Variants in MAGI1 observed in about 807,000 individuals in gnomAD.
The protein encoded by MAGI1 is membrane-associated guanylate kinase, WW and PDZ domain-containing protein 1.
MAGI1 carries 58 observed loss-of-function variants against 139.9 expected under a neutral mutation model. The observed-to-expected ratio is 0.41, with a 90% CI of 0.34 to 0.52. MAGI1 has a LOEUF of 0.52. MAGI1 is among the 20% of genes least tolerant of loss of function. The probability of loss-of-function intolerance (pLI) is 0.12; values close to 1 mark genes in which losing one functional copy is unlikely to be tolerated. For missense variants in MAGI1, 1,874 were observed against 1,901.6 expected, an observed-to-expected ratio of 0.99 and a Z score of 0.27; for synonymous variants, 812 against 737.9, an observed-to-expected ratio of 1.10 and a Z score of -1.63.
intron 6 of MAGI1, among the ~76,000 whole-genome samples, chr3:65,449,200 C>T (rs1948865054): frequency 6.6e-6 from 1 of 151,912 alleles, no homozygotes; most frequent in African/African-American, 2.4e-5. Flanking sequence ...ATGCAGCACA[C>T]CAACATGGCA....
intron 1 of MAGI1, among the ~76,000 whole-genome samples, chr3:65,902,149 A>C (rs1227163161): frequency 3.9e-5 from 6 of 152,234 alleles, no homozygotes; most frequent in Non-Finnish European, 5.9e-5. Flanking sequence ...CTAAACAATA[A>C]TCTTACAGGT....
At chr3:65,991,288 T>A (rs2066156496) in intron 1 of MAGI1, among the ~76,000 whole-genome samples, 1 of 85,984 alleles carries the variant, frequency 1.2e-5, no homozygotes. Flanking sequence ...AGACTCTGTC[T>A]AAAAAAAAAA....
intron 1 of MAGI1, among the ~76,000 whole-genome samples, chr3:65,849,468 C>CATATAT (rs10529813): frequency 0.2 from 28,346 of 144,426 alleles, 2,754 homozygotes; most frequent in African/African-American, 0.23. Context: ...AGTAAACTTT[C>CATATAT]ATATATATAT....
intron 1 of MAGI1, among the ~76,000 whole-genome samples, chr3:65,741,375 C>T (rs1301625933): frequency 2.0e-5 from 3 of 152,038 alleles, no homozygotes; most frequent in South Asian, 2.1e-4. Flanking sequence ...AGGGTTTCAC[C>T]GTGTTAGCCA....
chr3:65,516,716 C>CCCTT (rs2077900095), intron 2 of MAGI1, among the ~76,000 whole-genome samples: 1 of 92,218 alleles, frequency 1.1e-5, no homozygotes, highest in Non-Finnish European at 2.3e-5. Flanking sequence ...TACATCCCAC[C>CCCTT]TCTTTTTTTT....
chr3:65,887,260 A>G (rs1468000981), intron 1 of MAGI1, among the ~76,000 whole-genome samples: 3 of 152,052 alleles, frequency 2.0e-5, no homozygotes, highest in African/African-American at 7.2e-5. Context: ...AACAGGAAAA[A>G]TTTAGTTTTC....
At chr3:65,882,677 A>C (rs2060378214) in intron 1 of MAGI1, among the ~76,000 whole-genome samples, 1 of 152,198 alleles carries the variant, frequency 6.6e-6, no homozygotes, top group Non-Finnish European at 1.5e-5. Context: ...TCACATCTGT[A>C]ATCCCTGCAC....
At chr3:65,399,373 C>G (rs1312168275) in intron 13 of MAGI1, among the ~76,000 whole-genome samples, 2 of 152,168 alleles carry the variant, frequency 1.3e-5, no homozygotes, top group Non-Finnish European at 2.9e-5. Flanking sequence ...ACTTTCAAGC[C>G]ACCTGTACAG....
At chr3:65,904,616 T>C (rs894085466) in intron 1 of MAGI1, among the ~76,000 whole-genome samples, 9 of 152,220 alleles carry the variant, frequency 5.9e-5, no homozygotes, top group Non-Finnish European at 5.9e-5. Flanking sequence ...CAGAATGCCC[T>C]TTCTCCATCA....
At chr3:65,475,061 G>C (rs541133071) in intron 4 of MAGI1, among the ~76,000 whole-genome samples, 17 of 151,864 alleles carry the variant, frequency 1.1e-4, no homozygotes, top group African/African-American at 4.1e-4. Flanking sequence ...CAACAAAAAA[G>C]AAGTGTCAGC....
At chr3:65,462,009 T>G (rs1949829262) in intron 5 of MAGI1, among the ~76,000 whole-genome samples, 1 of 152,218 alleles carries the variant, frequency 6.6e-6, no homozygotes, top group South Asian at 2.1e-4. Context: ...TCCTTGTAGA[T>G]GCTGGATGTT....
chr3:65,708,520 A>C (rs1283751830), intron 1 of MAGI1, among the ~76,000 whole-genome samples: 2 of 152,062 alleles, frequency 1.3e-5, no homozygotes, highest in Non-Finnish European at 2.9e-5. Context: ...TTGAAACTTG[A>C]ATTTGGGGAG....
At chr3:65,492,041 A>G (rs1952073792) in intron 3 of MAGI1, among the ~76,000 whole-genome samples, 1 of 152,218 alleles carries the variant, frequency 6.6e-6, no homozygotes, top group South Asian at 2.1e-4. Flanking sequence ...ATCACATTAA[A>G]GCTATAATGT....
chr3:65,378,933 C>A (rs568402520), intron 17 of MAGI1, among the ~76,000 whole-genome samples: 8 of 152,148 alleles, frequency 5.3e-5, no homozygotes, highest in Non-Finnish European at 7.3e-5. Context: ...TCACCCTCCT[C>A]GGCCTCCCAA....
intron 1 of MAGI1, among the ~76,000 whole-genome samples, chr3:65,722,001 C>T (rs189480768): frequency 1.5e-4 from 23 of 152,190 alleles, no homozygotes; most frequent in Non-Finnish European, 2.8e-4. Flanking sequence ...TCTGCCCTTA[C>T]AAGTCTTGCT....
chr3:65,406,706 G>C (rs532420329), intron 12 of MAGI1, among the ~76,000 whole-genome samples: 30 of 151,968 alleles, frequency 2.0e-4, no homozygotes, highest in Middle Eastern at 6.8e-3. Flanking sequence ...AACTGTCCTG[G>C]AGTTGGATTA....
At chr3:65,965,200 G>C (rs2064679970) in intron 1 of MAGI1, among the ~76,000 whole-genome samples, 1 of 152,196 alleles carries the variant, frequency 6.6e-6, no homozygotes, top group African/African-American at 2.4e-5. Flanking sequence ...ATGGAGACCA[G>C]ACATACAAAC....
chr3:65,365,058 C>A (rs1471914749), intron 18 of MAGI1, 112 bp from the exon 19 acceptor site: 1 of 849,888 alleles, frequency 1.2e-6, no homozygotes, highest in Non-Finnish European at 2.1e-6. Flanking sequence ...TCTCTGTCCC[C>A]ATTTCAAGCA....
intron 1 of MAGI1, among the ~76,000 whole-genome samples, chr3:65,785,777 A>G (rs1162380540): frequency 6.6e-6 from 1 of 152,186 alleles, no homozygotes; most frequent in Non-Finnish European, 1.5e-5. Flanking sequence ...CTTGGAGACT[A>G]CATCAAAATA....
Sources: gnomAD v4.1 joint callset for allele counts (sites outside exome capture counted in the v4.1 genomes callset) on GRCh38, gnomAD v4.1.1 for gene constraint, MANE v1.5 for transcripts, NCBI Gene and HGNC (gene_info 2026-07-23, HGNC 2026-07-21) for gene names.